Variants in RELCH observed in about 807,000 individuals in gnomAD.
RELCH encodes the protein RAB11 binding and LisH domain, coiled-coil and HEAT repeat containing, also known as RAB11-binding protein RELCH.
RELCH carries 41 observed loss-of-function variants against 150.3 expected under a neutral mutation model. The observed-to-expected ratio is 0.27, with a 90% CI of 0.21 to 0.35. RELCH has a LOEUF of 0.35. Among genes scored for constraint, RELCH ranks in the 10% least tolerant of loss-of-function variants. The probability of loss-of-function intolerance (pLI) is 1.00; values close to 1 mark genes in which losing one functional copy is unlikely to be tolerated. For synonymous variants in RELCH, 478 were observed against 531.8 expected, an observed-to-expected ratio of 0.90 and a Z score of 1.39; for missense variants, 1,092 against 1,467.8, an observed-to-expected ratio of 0.74 and a Z score of 4.18.
intron 22 of RELCH, among the ~76,000 whole-genome samples, chr18:62,278,369 T>TTC (rs2044327410): frequency 6.6e-6 from 1 of 152,168 alleles, no homozygotes; most frequent in African/African-American, 2.4e-5. Context: ...ATATTAAAAG[T>TTC]TCTTTGTCAT....
chr18:62,275,565 G>A (rs1414168110), intron 22 of RELCH, 92 bp downstream of exon 22: 7 of 764,052 alleles, frequency 9.2e-6, no homozygotes, highest in Non-Finnish European at 4.6e-6. Flanking sequence ...AAAAGGCTTT[G>A]CATATCATGT....
At chr18:62,214,450 G>T (rs746385769) in intron 2 of RELCH, among the ~76,000 whole-genome samples, 1 of 152,108 alleles carries the variant, frequency 6.6e-6, no homozygotes, top group Non-Finnish European at 1.5e-5. Context: ...TCATGGTTTG[G>T]AGTCTTGTGC....
chr18:62,239,817 A>G (rs141928112), intron 10 of RELCH, among the ~76,000 whole-genome samples: 20 of 152,028 alleles, frequency 1.3e-4, no homozygotes, highest in Non-Finnish European at 7.4e-5. Context: ...TTACATGTTT[A>G]CGTTACCTTC....
rs1240141421 is a variant in RELCH at position 62,263,990 on chromosome 18, G to A, written c.2352G>A (p.Val784=). ...KLHGEVPQIE[V]TRFPRPMSPL... is the part of the protein sequence containing the mutation. ...TTATTTTGCTTCTTTTATGTGTAGT[G>A]ACTAGGTTTCCTCGGCCTATGTCGC... Residue 784 remains valine, a splice_region_variant and synonymous_variant, in exon 17 of 29, where the codon GTG becomes GTA. Transcript: ENST00000644646. The A allele has an allele frequency of 8.1e-6, 13 of 1,606,608 alleles. No homozygotes were observed. Among genetic ancestry groups the A allele is most frequent in the East Asian group, 4.5e-5 (2 of 44,128 alleles).
chr18:62,273,339 T>G (rs954305250), intron 20 of RELCH, among the ~76,000 whole-genome samples: 1 of 152,136 alleles, frequency 6.6e-6, no homozygotes, highest in African/African-American at 2.4e-5. Context: ...AATCAAGGTG[T>G]GCATCTGTTT....
rs2045930710 is a variant in RELCH at position 62,308,286 on chromosome 18, G to A, written c.*2752G>A. Reference sequence around the variant, plus strand: ...TGTAACTTTCTGTAGTTACTACCCTGCTGATCTTTGAACTGCAGTAGCTAA... The same window carrying A: ...TGTAACTTTCTGTAGTTACTACCCTACTGATCTTTGAACTGCAGTAGCTAA... On this transcript the variant is annotated 3_prime_UTR_variant, in exon 29 of 29. Transcript: ENST00000644646. 1.3e-5 allele frequency: 2 copies of A among 152,170 alleles called. No individual in the cohort carries two copies. The highest frequency in any genetic ancestry group is 4.1e-4 in the South Asian group (2 of 4,828). 9.4% of individuals were successfully genotyped at this position (152,170 alleles called of 1,614,324 possible).
chr18:62,197,671 A>G (rs571998644), intron 1 of RELCH, among the ~76,000 whole-genome samples: 1 of 152,334 alleles, frequency 6.6e-6, no homozygotes, highest in Admixed American at 6.5e-5. Context: ...TTGAATACCC[A>G]TTACAATTGA....
At chr18:62,298,097 C>CCT (rs1555760097) in intron 27 of RELCH, among the ~76,000 whole-genome samples, 1 of 151,188 alleles carries the variant, frequency 6.6e-6, no homozygotes, top group Admixed American at 6.6e-5. Context: ...GCTTTATCCC[C>CCT]CCCCGTCTAA....
intron 10 of RELCH, chr18:62,235,460 T>C (rs1456415664): frequency 6.6e-6 from 1 of 152,092 alleles, no homozygotes; most frequent in Non-Finnish European, 1.5e-5. Context: ...CCGCATGAAT[T>C]TGATGCTCAG....
chr18:62,257,850 G>C, intron 13 of RELCH, 98 bp from the exon 14 acceptor site: 1 of 956,256 alleles, frequency 1.0e-6, no homozygotes, highest in Non-Finnish European at 1.5e-6. Flanking sequence ...GTTAATACCT[G>C]TTTAATCTGG....
Position 62,187,312 on chromosome 18 carries a change from C to T in RELCH, c.-194C>T. The T allele has an allele frequency of 2.3e-6, 1 of 438,922 alleles. No homozygotes were observed. The allele number at this position is 438,922 out of a possible 1,614,324, so 27.2% of individuals were successfully genotyped here. On this transcript the variant is annotated 5_prime_UTR_variant, in exon 1 of 29. Transcript: ENST00000644646. ...CTGCAGAGCCGGGCTGCTGGTGCAG[C>T]AGAGGCTGAGGCATCAGGTGCAGCT...
At chr18:62,211,286 A>T in intron 2 of RELCH, 44 bp downstream of exon 2, 1 of 1,199,204 alleles carries the variant, frequency 8.3e-7, no homozygotes. Context: ...TTGACATTCC[A>T]GAAATAATGA....
chr18:62,263,955 T>G (rs759223344), intron 16 of RELCH, 34 bp from the exon 17 acceptor site: 22 of 1,581,070 alleles, frequency 1.4e-5, no homozygotes, highest in Middle Eastern at 1.7e-4. Context: ...AATGCCAATT[T>G]CCATATGATT....
rs767488254 is a variant in RELCH, at chr18:62,266,733, A to C, written c.2664A>C (p.Leu888=). The change falls in exon 19 of 29, where the codon CTA becomes CTC. Residue 888 remains leucine, a synonymous_variant. Transcript: ENST00000644646. The part of the protein sequence containing the change: ...VKPQFQEILR[L]SEENIDSSAG... ...CTCAGTTCCAGGAGATTTTAAGACT[A>C]TCTGAAGAAAACATTGGTGAGTTTG... 4 of 1,599,296 alleles carry C rather than the reference A, an allele frequency of 2.5e-6. No individual in the cohort carries two copies. The highest frequency in any genetic ancestry group is 1.7e-4 in the Middle Eastern group (1 of 6,026).
In RELCH at chr18:62,255,550, T is replaced by C. The variant is rs566548250; in HGVS notation, c.1896+72T>C. The C allele has an allele frequency of 6.6e-6, 7 of 1,059,440 alleles. No homozygotes were observed. The East Asian group carries it at 7.2e-5, about 11-fold the overall frequency. The allele number at this position is 1,059,440 out of a possible 1,614,324, so 65.6% of individuals were successfully genotyped here. On this transcript the variant is annotated intron_variant, in intron 13 of 28. Coordinates refer to ENST00000644646, the MANE Select transcript of RELCH (RefSeq NM_001346231.2). ...GAAAAACCTTTTTTTGAGTGTCTTA[T>C]AGATTTTAATCCAAATGTCTCCTAG...
intron 1 of RELCH, among the ~76,000 whole-genome samples, chr18:62,200,964 C>CTTTTTTTTTTTT (rs543882947): frequency 3.6e-5 from 2 of 55,002 alleles, no homozygotes; most frequent in Admixed American, 3.1e-4. Flanking sequence ...TTTTTCTTTG[C>CTTTTTTTTTTTT]TTTTTTTTTT....
chr18:62,309,809 A>G lies in RELCH; in HGVS notation c.*4275A>G, dbSNP rs1468322687. On this transcript the variant is annotated 3_prime_UTR_variant, in exon 29 of 29. Transcript: ENST00000644646. ...GATCATTGCATGAATAGATTTCTGG[A>G]GGGACTTTAATGTAGTAAAATATAT... 2 of 152,154 alleles carry G rather than the reference A, an allele frequency of 1.3e-5. No individual in the cohort carries two copies. Among genetic ancestry groups the G allele is most frequent in the Non-Finnish European group, 2.9e-5 (2 of 68,022 alleles). The allele number at this position is 152,154 out of a possible 1,614,324, so 9.4% of individuals were successfully genotyped here.
At chr18:62,298,152 G>C (rs572513715) in intron 27 of RELCH, among the ~76,000 whole-genome samples, 1 of 149,350 alleles carries the variant, frequency 6.7e-6, no homozygotes, top group Non-Finnish European at 1.5e-5. Context: ...TATTTTTTTA[G>C]GGACCTCCAT....
intron 22 of RELCH, among the ~76,000 whole-genome samples, chr18:62,279,225 A>G (rs2044373951): frequency 6.6e-6 from 1 of 152,176 alleles, no homozygotes; most frequent in African/African-American, 2.4e-5. Flanking sequence ...AGGCAGCCTT[A>G]TATCTCTGTA....
Sources: gnomAD v4.1 joint callset for allele counts (sites outside exome capture counted in the v4.1 genomes callset) on GRCh38, gnomAD v4.1.1 for gene constraint, MANE v1.5 for transcripts, NCBI Gene and HGNC (gene_info 2026-07-23, HGNC 2026-07-21) for gene names.